The following SVEP1 variants were observed in gnomAD, a reference collection of about 807,000 sequenced individuals.
SVEP1 encodes sushi, von Willebrand factor type A, EGF and pentraxin domain-containing protein 1.
SVEP1 carries 164 observed loss-of-function variants against 367.3 expected under a neutral mutation model. The observed-to-expected ratio is 0.45, with a 90% confidence interval of 0.39 to 0.51. The LOEUF is 0.51. Ranked by LOEUF, SVEP1 falls within the 20% of genes least tolerant of loss-of-function variation. The pLI is 0.00. For missense variants in SVEP1, 4,117 were observed against 4,425.3 expected (o/e 0.93, Z 1.98); for synonymous variants, 1,666 against 1,611.6 (o/e 1.03, Z -0.81).
rs1588074344 is a variant in SVEP1, at chr9:110,481,517, G to T, written c.2171-81C>A. 4 of 1,042,648 alleles carry T rather than the reference G, an allele frequency of 3.8e-6. No homozygotes were observed. The East Asian group carries it at 8.7e-5, about 23-fold the overall frequency. The allele number at this position is 1,042,648 out of a possible 1,614,324, so 64.6% of individuals were successfully genotyped here. On this transcript the variant is annotated intron_variant, in intron 11 of 47. Coordinates refer to ENST00000374469, the MANE Select transcript of SVEP1 (RefSeq NM_153366.4). The stretch of plus-strand genomic sequence containing the variant: ...ATTCCAGGAGCTTAAGCAGAATTTT[G>T]AAAAGGACTCCTCCTGTCTATCGCT...
intron 40 of SVEP1, among the ~76,000 whole-genome samples, chr9:110,397,314 G>C (rs13302168): frequency 0.11 from 16,902 of 151,394 alleles, 295 homozygotes; most frequent in African/African-American, 0.12. Context: ...TAAAAACTCT[G>C]AATAAATTAG....
At chr9:110,576,723 A>G (rs1349883242) in intron 1 of SVEP1, among the ~76,000 whole-genome samples, 2 of 152,206 alleles carry the variant, frequency 1.3e-5, no homozygotes, top group African/African-American at 4.8e-5. Context: ...GTAATATTGA[A>G]CAGAATATAT....
chr9:110,370,124 G>T, intron 46 of SVEP1, 108 bp from the exon 47 acceptor site: 2 of 961,706 alleles, frequency 2.1e-6, no homozygotes, highest in Non-Finnish European at 3.2e-6. Context: ...AGCAGCCACT[G>T]CTGGTCTTCA....
At chr9:110,391,372 G>T (rs1394435058) in intron 40 of SVEP1, among the ~76,000 whole-genome samples, 2 of 151,006 alleles carry the variant, frequency 1.3e-5, no homozygotes, top group Non-Finnish European at 2.9e-5. Context: ...CTGTGTTGAA[G>T]TGATTCTCCT....
chr9:110,561,419 T>C (rs1830425750), intron 1 of SVEP1, among the ~76,000 whole-genome samples: 1 of 152,206 alleles, frequency 6.6e-6, no homozygotes. Context: ...TGGCAGGAAT[T>C]GAATCTTATA....
intron 40 of SVEP1, among the ~76,000 whole-genome samples, chr9:110,395,413 G>A: frequency 6.6e-6 from 1 of 152,128 alleles, no homozygotes; most frequent in Non-Finnish European, 1.5e-5. Flanking sequence ...AAATTGTAAA[G>A]ACCATCAAGG....
At chr9:110,473,639 G>T (rs182817142) in intron 14 of SVEP1, among the ~76,000 whole-genome samples, 21 of 152,188 alleles carry the variant, frequency 1.4e-4, no homozygotes, top group Admixed American at 1.4e-3. Flanking sequence ...AGACTTTTAG[G>T]TTATTTCAAA....
chr9:110,484,004 C>T lies in SVEP1; in HGVS notation c.1931-311G>A, dbSNP rs559209414. On this transcript the variant is annotated intron_variant, in intron 9 of 47. Coordinates refer to ENST00000374469, the MANE Select transcript of SVEP1 (RefSeq NM_153366.4). ...TTGAATTGTGGGTTCTGTCCACGGT[C>T]GTTGAGCTGACCCAACTGGAAGGGA... is the stretch of plus-strand genomic sequence containing the variant. 2.6e-5 allele frequency among the ~76,000 whole-genome samples: 4 copies of T among 152,284 alleles called. No homozygotes were observed. In the South Asian group the frequency reaches 6.2e-4, roughly 24 times the overall value.
intron 3 of SVEP1, among the ~76,000 whole-genome samples, chr9:110,520,416 C>T (rs1829862220): frequency 6.6e-6 from 1 of 152,114 alleles, no homozygotes; most frequent in African/African-American, 2.4e-5. Context: ...TGGAAATGTA[C>T]CAAATATTAT....
intron 41 of SVEP1, among the ~76,000 whole-genome samples, 168 bp from the exon 42 acceptor site, chr9:110,387,626 A>G (rs1827545669): frequency 6.6e-6 from 1 of 152,212 alleles, no homozygotes; most frequent in Non-Finnish European, 1.5e-5. Flanking sequence ...ATACCTAAGT[A>G]TTGGATTAAT....
At chr9:110,513,462 C>T (rs1306084283) in intron 4 of SVEP1, among the ~76,000 whole-genome samples, 2 of 152,104 alleles carry the variant, frequency 1.3e-5, no homozygotes, top group Admixed American at 1.3e-4. Context: ...ACAAATAAGG[C>T]TAGCAAAGTA....
At chr9:110,398,725 A>G (rs562423971) in intron 40 of SVEP1, among the ~76,000 whole-genome samples, 1 of 152,340 alleles carries the variant, frequency 6.6e-6, no homozygotes, top group African/African-American at 2.4e-5. Flanking sequence ...TTATGCAGCC[A>G]AAAAACACTC....
intron 26 of SVEP1, 150 bp downstream of exon 26, chr9:110,445,687 C>A: frequency 1.3e-6 from 1 of 798,206 alleles, no homozygotes; most frequent in South Asian, 1.8e-5. Context: ...TCTTAAAGAA[C>A]TTGTTCAGAT....
At chr9:110,381,443 A>C (rs558394382) in intron 43 of SVEP1, among the ~76,000 whole-genome samples, 1 of 151,822 alleles carries the variant, frequency 6.6e-6, no homozygotes, top group Non-Finnish European at 1.5e-5. Context: ...TCCTTATTTA[A>C]TTATGTACCA....
intron 1 of SVEP1, 68 bp downstream of exon 1, chr9:110,578,945 C>T: frequency 6.6e-7 from 1 of 1,503,898 alleles, no homozygotes; most frequent in Non-Finnish European, 8.9e-7. Flanking sequence ...GGGATAGAGA[C>T]GGGCAGGCAG....
At chr9:110,565,423 A>C (rs1830479941) in intron 1 of SVEP1, among the ~76,000 whole-genome samples, 1 of 152,186 alleles carries the variant, frequency 6.6e-6, no homozygotes, top group South Asian at 2.1e-4. Flanking sequence ...CCTTGGATTA[A>C]AGGAACCTAA....
rs576471258 is a variant in SVEP1 at position 110,561,995 on chromosome 9, C to T, written c.532-11891G>A. Among the ~76,000 whole-genome samples the T allele has an allele frequency of 9.9e-5, 15 of 152,130 alleles. No individual in the cohort carries two copies. In the South Asian group the frequency reaches 1.2e-3, roughly 13 times the overall value. ...GAACTAAGTCTCAAATTTATGGTTA[C>T]GAGGTTTTCCACCCACATACATATT... On this transcript the variant is annotated intron_variant, in intron 1 of 47. Coordinates refer to ENST00000374469, the MANE Select transcript of SVEP1 (RefSeq NM_153366.4).
At position 110,499,129 on chromosome 9, in the gene SVEP1, T is replaced by C. The variant is rs1354496617; in HGVS notation, c.1593A>G (p.Gln531=). The change falls in exon 7 of 48, where the codon CAA becomes CAG. Residue 531 remains glutamine (Q), a synonymous_variant. Coordinates refer to ENST00000374469, the MANE Select transcript of SVEP1 (RefSeq NM_153366.4). ...CTTTGACTCCAGATAAAATGAACCC[T>C]TGGCGGCAACTTACATAGCAGATCG... ...FGTICYVSCR[Q]GFILSGVKEM... 3 of 1,613,766 alleles carry C rather than the reference T, an allele frequency of 1.9e-6. No individual in the cohort carries two copies. The East Asian group carries it at 6.7e-5, about 36-fold the overall frequency.
intron 27 of SVEP1, 146 bp from the exon 28 acceptor site, chr9:110,436,650 T>C: frequency 8.4e-7 from 1 of 1,185,632 alleles, no homozygotes; most frequent in South Asian, 1.7e-5. Context: ...TTACTGCAGG[T>C]TTTATCAATA....
Sources: allele counts gnomAD v4.1 joint callset (sites outside exome capture counted in the v4.1 genomes callset), GRCh38; gene constraint gnomAD v4.1.1; transcripts MANE v1.5; gene names NCBI Gene and HGNC (gene_info 2026-07-23, HGNC 2026-07-21).